The following STPG2 variants were observed in gnomAD, a reference collection of about 807,000 sequenced individuals.
The protein encoded by STPG2 is sperm tail PG-rich repeat containing 2, also known as sperm-tail PG-rich repeat-containing protein 2.
In STPG2, 56 loss-of-function variants were observed where a neutral mutation model predicts 54.2. The ratio of observed to expected loss-of-function variants is 1.03; its 90% CI spans 0.83 to 1.29. The LOEUF (loss-of-function observed/expected upper bound fraction) is 1.29, where lower values mean the gene tolerates loss of function less well. STPG2 is among the 50% of genes most tolerant of loss of function. The pLI is 0.00. For missense variants in STPG2, 596 were observed against 544.9 expected, an observed-to-expected ratio of 1.09 and a Z score of -0.93; for synonymous variants, 200 against 181.8, an observed-to-expected ratio of 1.10 and a Z score of -0.81.
At chr4:97,965,336 C>T (rs111294643) in intron 7 of STPG2, among the ~76,000 whole-genome samples, 19,402 of 152,152 alleles carry the variant, frequency 0.13, 1,900 homozygotes, top group African/African-American at 0.26. Flanking sequence ...AAAGCAGCTG[C>T]GAAGCTCAAA....
chr4:97,735,914 T>C (rs902087144), intron 9 of STPG2, among the ~76,000 whole-genome samples: 1 of 152,088 alleles, frequency 6.6e-6, no homozygotes, highest in Non-Finnish European at 1.5e-5. Flanking sequence ...AAAGAAGACA[T>C]GCAAATGGCC....
At chr4:97,494,450 T>C (rs1214378558) in intron 4 of STPG2, among the ~76,000 whole-genome samples, 4 of 151,546 alleles carry the variant, frequency 2.6e-5, no homozygotes, top group Admixed American at 2.0e-4. Context: ...GCTGTGAACC[T>C]GTGATGTTTA....
intron 10 of STPG2, among the ~76,000 whole-genome samples, chr4:97,634,053 A>G (rs1721405900): frequency 6.6e-6 from 1 of 152,162 alleles, no homozygotes; most frequent in African/African-American, 2.4e-5. Context: ...ACAGACAAAC[A>G]AAAAGACCGC....
At chr4:97,883,558 C>T (rs1258327713) in intron 8 of STPG2, among the ~76,000 whole-genome samples, 1 of 151,618 alleles carries the variant, frequency 6.6e-6, no homozygotes, top group Non-Finnish European at 1.5e-5. Context: ...TTAGCAGCAA[C>T]ATGAAATTAT....
intron 10 of STPG2, among the ~76,000 whole-genome samples, chr4:97,662,654 A>AT (rs1293277011): frequency 6.6e-6 from 1 of 152,154 alleles, no homozygotes; most frequent in Admixed American, 6.5e-5. Context: ...ATGTGGTAAT[A>AT]TACATCATGG....
intron 6 of STPG2, among the ~76,000 whole-genome samples, chr4:97,973,436 A>G (rs1343659572): frequency 6.6e-6 from 1 of 152,214 alleles, no homozygotes; most frequent in Non-Finnish European, 1.5e-5. Flanking sequence ...AAAGCAGAGC[A>G]TAAAAGTTCG....
chr4:97,754,446 T>G (rs1725670227), intron 9 of STPG2, among the ~76,000 whole-genome samples: 1 of 152,170 alleles, frequency 6.6e-6, no homozygotes, highest in South Asian at 2.1e-4. Flanking sequence ...ACACTCATTC[T>G]ATTTTATAGA....
chr4:97,583,761 A>C lies in STPG2; in HGVS notation c.1321-24644T>G, dbSNP rs181594314. Among the ~76,000 whole-genome samples, 482 of 152,130 alleles carry C rather than the reference A, an allele frequency of 3.2e-3. 2 individuals are homozygous for C. The highest frequency in any genetic ancestry group is 0.011 in the African/African-American group (446 of 41,550). ...CAGATTAAACAGACATTAAAGCAAC[A>C]ATGTTAAAAAAGACACAGAGAAACA... On this transcript the variant is annotated intron_variant, in intron 10 of 10. Transcript: ENST00000295268.
chr4:97,573,203 C>G (rs1159914424), intron 10 of STPG2, among the ~76,000 whole-genome samples: 3 of 151,874 alleles, frequency 2.0e-5, no homozygotes, highest in Non-Finnish European at 4.4e-5. Context: ...ATTTCTATAG[C>G]AAACTTTTTA....
At chr4:97,621,507 G>A (rs938132842) in intron 10 of STPG2, among the ~76,000 whole-genome samples, 5 of 151,960 alleles carry the variant, frequency 3.3e-5, no homozygotes, top group Admixed American at 1.3e-4. Flanking sequence ...ATACTTCTAC[G>A]TACACAAATT....
At chr4:97,870,138 G>A (rs971977891) in intron 8 of STPG2, among the ~76,000 whole-genome samples, 1 of 151,180 alleles carries the variant, frequency 6.6e-6, no homozygotes, top group Non-Finnish European at 1.5e-5. Flanking sequence ...ATATCCTAAG[G>A]GATTAAAATT....
intron 9 of STPG2, among the ~76,000 whole-genome samples, chr4:97,781,735 T>C (rs1726622327): frequency 6.6e-6 from 1 of 152,146 alleles, no homozygotes; most frequent in African/African-American, 2.4e-5. Context: ...TTATCCACCA[T>C]GATCAAGTGG....
chr4:97,630,828 A>C (rs1190789625), intron 10 of STPG2, among the ~76,000 whole-genome samples: 1 of 151,836 alleles, frequency 6.6e-6, no homozygotes, highest in Non-Finnish European at 1.5e-5. Flanking sequence ...ACAAAGAATA[A>C]TATTATGTAA....
chr4:98,021,671 T>A (rs1736202046), intron 5 of STPG2, among the ~76,000 whole-genome samples: 1 of 152,006 alleles, frequency 6.6e-6, no homozygotes, highest in Non-Finnish European at 1.5e-5. Context: ...TGTAGGTCAC[T>A]CAGGACTTGC....
At chr4:97,492,304 T>G (rs937257895) in intron 4 of STPG2, among the ~76,000 whole-genome samples, 1 of 151,494 alleles carries the variant, frequency 6.6e-6, no homozygotes, top group Non-Finnish European at 1.5e-5. Flanking sequence ...TCAATGAGCC[T>G]CTTGCCAGTT....
chr4:97,484,149 A>G (rs1172271986), intron 4 of STPG2, among the ~76,000 whole-genome samples: 1 of 151,716 alleles, frequency 6.6e-6, no homozygotes, highest in Non-Finnish European at 1.5e-5. Context: ...TTCTAAGGTC[A>G]TACATCAAAG....
intron 8 of STPG2, among the ~76,000 whole-genome samples, chr4:97,922,771 A>C (rs1201725092): frequency 2.0e-5 from 3 of 152,184 alleles, no homozygotes. Context: ...AGGCTTCTAC[A>C]TTCTGGAAGC....
intron 7 of STPG2, among the ~76,000 whole-genome samples, chr4:97,948,935 T>C (rs1733355882): frequency 6.6e-6 from 1 of 151,826 alleles, no homozygotes; most frequent in Non-Finnish European, 1.5e-5. Context: ...GTCCATGTGT[T>C]CTAGAGTGTT....
intron 4 of STPG2, among the ~76,000 whole-genome samples, chr4:97,550,358 G>T (rs1731937122): frequency 6.6e-6 from 1 of 151,782 alleles, no homozygotes; most frequent in South Asian, 2.1e-4. Context: ...TAACAAATAA[G>T]TGAAGAAAAG....
Sources: gnomAD v4.1 joint callset for allele counts (sites outside exome capture counted in the v4.1 genomes callset) on GRCh38, gnomAD v4.1.1 for gene constraint, MANE v1.5 for transcripts, NCBI Gene and HGNC (gene_info 2026-07-23, HGNC 2026-07-21) for gene names.